The following TAFA1 variants were observed in gnomAD, a reference collection of about 807,000 sequenced individuals.
The protein encoded by TAFA1 is chemokine-like protein TAFA-1.
TAFA1 carries 4 observed loss-of-function variants against 18.5 expected under a neutral mutation model. The ratio of observed to expected loss-of-function variants is 0.22; its 90% CI spans 0.11 to 0.49. The LOEUF is 0.49. TAFA1 is among the 20% of genes least tolerant of loss of function. The probability of loss-of-function intolerance (pLI) is 0.98; values close to 1 mark genes in which losing one functional copy is unlikely to be tolerated. For missense variants in TAFA1, 147 were observed against 169.0 expected (o/e 0.87, Z 0.72); for synonymous variants, 56 against 55.2 (o/e 1.01, Z -0.06).
At chr3:68,433,474 T>G (rs2071215704) in intron 3 of TAFA1, among the ~76,000 whole-genome samples, 1 of 152,098 alleles carries the variant, frequency 6.6e-6, no homozygotes, top group South Asian at 2.1e-4. Flanking sequence ...CTTCCCTCTT[T>G]GGAACACAAA....
At chr3:68,221,721 C>T (rs2066733044) in intron 2 of TAFA1, among the ~76,000 whole-genome samples, 1 of 152,090 alleles carries the variant, frequency 6.6e-6, no homozygotes, top group African/African-American at 2.4e-5. Flanking sequence ...AGCAGGGTAT[C>T]TAGGTACAGA....
At chr3:68,379,833 G>C (rs1037808050) in intron 2 of TAFA1, among the ~76,000 whole-genome samples, 1 of 151,432 alleles carries the variant, frequency 6.6e-6, no homozygotes, top group Non-Finnish European at 1.5e-5. Context: ...TGTTACATAG[G>C]TATACATGTG....
intron 2 of TAFA1, among the ~76,000 whole-genome samples, chr3:68,366,203 A>T (rs2106804628): frequency 6.6e-6 from 1 of 152,256 alleles, no homozygotes; most frequent in East Asian, 1.9e-4. Context: ...TCCCTCCCAC[A>T]ACACATGGAA....
chr3:68,065,800 AATCTATCT>A (rs56823799), intron 2 of TAFA1, among the ~76,000 whole-genome samples: 16 of 149,488 alleles, frequency 1.1e-4, no homozygotes, highest in Non-Finnish European at 2.2e-4. Flanking sequence ...TCTATTGATC[AATCTATCT>A]ATCTCTTTAT....
At chr3:68,074,513 A>G (rs1309611383) in intron 2 of TAFA1, among the ~76,000 whole-genome samples, 6 of 152,226 alleles carry the variant, frequency 3.9e-5, no homozygotes, top group Non-Finnish European at 8.8e-5. Flanking sequence ...TTCCTCATCA[A>G]TAAAAAGAAG....
intron 2 of TAFA1, among the ~76,000 whole-genome samples, chr3:68,148,183 T>A (rs2065765991): frequency 6.6e-6 from 1 of 151,904 alleles, no homozygotes; most frequent in Non-Finnish European, 1.5e-5. Flanking sequence ...TTACTTGTTG[T>A]TTTTTGACTA....
chr3:68,330,543 T>C (rs2068849577), intron 2 of TAFA1, among the ~76,000 whole-genome samples: 1 of 152,356 alleles, frequency 6.6e-6, no homozygotes, highest in East Asian at 1.9e-4. Context: ...GTTCTTGCTG[T>C]GCTTTATGTG....
At chr3:68,177,017 T>C (rs1435017222) in intron 2 of TAFA1, among the ~76,000 whole-genome samples, 1 of 152,184 alleles carries the variant, frequency 6.6e-6, no homozygotes, top group Non-Finnish European at 1.5e-5. Context: ...AGAACTGGTA[T>C]TTTCACCGAA....
intron 2 of TAFA1, among the ~76,000 whole-genome samples, chr3:68,125,518 A>G (rs1247104612): frequency 2.0e-5 from 3 of 152,184 alleles, no homozygotes; most frequent in African/African-American, 4.8e-5. Context: ...CACTGGAGAG[A>G]GACACAGCCC....
At chr3:68,216,673 T>G (rs2066661459) in intron 2 of TAFA1, among the ~76,000 whole-genome samples, 1 of 152,040 alleles carries the variant, frequency 6.6e-6, no homozygotes, top group Non-Finnish European at 1.5e-5. Flanking sequence ...GAAAATTGGA[T>G]AATTCTAGGA....
At chr3:68,338,231 T>C (rs908637607) in intron 2 of TAFA1, among the ~76,000 whole-genome samples, 3 of 152,214 alleles carry the variant, frequency 2.0e-5, no homozygotes, top group African/African-American at 7.2e-5. Flanking sequence ...TTTGATACGG[T>C]CAGTGCTTAT....
intron 3 of TAFA1, among the ~76,000 whole-genome samples, chr3:68,429,179 C>A (rs1283141720): frequency 1.3e-5 from 2 of 151,810 alleles, no homozygotes; most frequent in Non-Finnish European, 2.9e-5. Context: ...CTTTACAAAC[C>A]AGGGAGGTTA....
upstream of TAFA1, among the ~76,000 whole-genome samples, chr3:68,002,797 T>C (rs2106761876): frequency 6.6e-6 from 1 of 152,330 alleles, no homozygotes; most frequent in African/African-American, 2.4e-5. Context: ...CGTTCTTTAA[T>C]CTTCCTGTCT....
chr3:68,233,807 T>A (rs1364483448), intron 2 of TAFA1, among the ~76,000 whole-genome samples: 1 of 152,258 alleles, frequency 6.6e-6, no homozygotes. Context: ...AAGGACCTTA[T>A]TTTTTTAATG....
intron 2 of TAFA1, among the ~76,000 whole-genome samples, chr3:68,122,198 T>TA (rs2065408197): frequency 2.3e-5 from 3 of 129,420 alleles, no homozygotes; most frequent in Admixed American, 2.3e-4. Flanking sequence ...TCTTTATATA[T>TA]TTTTTTTAAT....
At chr3:68,181,673 G>T (rs1309154525) in intron 2 of TAFA1, among the ~76,000 whole-genome samples, 1 of 152,122 alleles carries the variant, frequency 6.6e-6, no homozygotes, top group East Asian at 1.9e-4. Flanking sequence ...ATACAAAAAT[G>T]TTAGAAACTA....
intron 2 of TAFA1, among the ~76,000 whole-genome samples, chr3:68,141,400 G>T (rs1174030569): frequency 6.6e-6 from 1 of 152,174 alleles, no homozygotes; most frequent in Non-Finnish European, 1.5e-5. Flanking sequence ...AGGAGAGAAA[G>T]AAGTAGACAA....
chr3:68,054,399 A>C (rs2064508376), intron 2 of TAFA1, among the ~76,000 whole-genome samples: 1 of 152,034 alleles, frequency 6.6e-6, no homozygotes, highest in Non-Finnish European at 1.5e-5. Context: ...GCTCCCCTTC[A>C]CCTTCTGTTG....
In TAFA1 at chr3:68,071,282, G is replaced by A. The variant is rs535812920; in HGVS notation, c.118+64538G>A. On this transcript the variant is annotated intron_variant, in intron 2 of 4. Transcript: ENST00000478136. ...AGCAGGCAAAGAGAGAGCTTGTGCAGGGAAACGCCCCCTTACAGATGAGAT... is the reference window on the plus strand; with the variant it reads ...AGCAGGCAAAGAGAGAGCTTGTGCAAGGAAACGCCCCCTTACAGATGAGAT... 5.9e-5 allele frequency among the ~76,000 whole-genome samples: 9 copies of A among 152,354 alleles called. No individual in the cohort carries two copies. The East Asian group carries it at 1.5e-3, about 26-fold the overall frequency.
Sources: gnomAD v4.1 joint callset for allele counts (sites outside exome capture counted in the v4.1 genomes callset) on GRCh38, gnomAD v4.1.1 for gene constraint, MANE v1.5 for transcripts, NCBI Gene and HGNC (gene_info 2026-07-23, HGNC 2026-07-21) for gene names.